Variants in LHFPL2 observed in about 807,000 individuals in gnomAD.
LHFPL2 encodes the protein LHFPL tetraspan subfamily member 2.
In LHFPL2, 7 loss-of-function variants were observed where a neutral mutation model predicts 17.5. That is an observed-to-expected ratio of 0.40 (90% confidence interval 0.23 to 0.75). The LOEUF is 0.75. LHFPL2 is among the 30% of genes least tolerant of loss of function. The pLI, the probability that LHFPL2 is intolerant of heterozygous loss-of-function variation, is 0.37. For missense variants in LHFPL2, 241 were observed against 294.8 expected (o/e 0.82, Z 1.34); for synonymous variants, 134 against 116.2 (o/e 1.15, Z -0.99).
chr5:78,580,789 C>T (rs1743100329), intron 2 of LHFPL2, among the ~76,000 whole-genome samples: 1 of 151,934 alleles, frequency 6.6e-6, no homozygotes, highest in African/African-American at 2.4e-5. Context: ...GTGATGCCTC[C>T]AGCTTTGTTC....
rs1490850006 is a variant in LHFPL2, at chr5:78,584,790, C to T, written c.-244-19919G>A. Among the ~76,000 whole-genome samples the T allele has an allele frequency of 2.6e-5, 4 of 152,258 alleles. No individual in the cohort carries two copies. The East Asian group carries it at 7.7e-4, about 29-fold the overall frequency. On this transcript the variant is annotated intron_variant, in intron 2 of 4. Transcript: ENST00000380345. Reference sequence around the variant, plus strand: ...GAGCCTATAAAGACAGGCAGGCCTCCTTGAGCTGTGGTGGGCTCCACCCTG... The same window carrying T: ...GAGCCTATAAAGACAGGCAGGCCTCTTTGAGCTGTGGTGGGCTCCACCCTG...
At chr5:78,583,618 T>C in intron 2 of LHFPL2, among the ~76,000 whole-genome samples, 1 of 151,998 alleles carries the variant, frequency 6.6e-6, no homozygotes, top group African/African-American at 2.4e-5. Flanking sequence ...GCCCCCACTC[T>C]CTTCTGGCTT....
At chr5:78,523,617 A>G (rs1325947793) in intron 3 of LHFPL2, among the ~76,000 whole-genome samples, 3 of 152,212 alleles carry the variant, frequency 2.0e-5, no homozygotes, top group African/African-American at 7.2e-5. Context: ...CGAGGACAGA[A>G]TGAGGGTGGC....
chr5:78,543,376 A>C (rs116102367), intron 3 of LHFPL2, among the ~76,000 whole-genome samples: 3,434 of 152,202 alleles, frequency 0.023, 141 homozygotes, highest in African/African-American at 0.076. Context: ...GAGACAACGA[A>C]CTTCAGGTAT....
intron 4 of LHFPL2, among the ~76,000 whole-genome samples, chr5:78,495,005 T>C (rs1242866708): frequency 6.6e-6 from 1 of 152,228 alleles, no homozygotes; most frequent in Non-Finnish European, 1.5e-5. Context: ...GGTAAATTTT[T>C]AAAATACTGC....
chr5:78,616,965 A>G (rs2112493652), intron 2 of LHFPL2, among the ~76,000 whole-genome samples: 1 of 152,364 alleles, frequency 6.6e-6, no homozygotes, highest in Non-Finnish European at 1.5e-5. Flanking sequence ...GTAGGCCTCA[A>G]AATCTGAAGT....
chr5:78,549,770 C>T (rs1756387665), intron 3 of LHFPL2, among the ~76,000 whole-genome samples: 2 of 152,242 alleles, frequency 1.3e-5, no homozygotes, highest in Admixed American at 6.5e-5. Context: ...TGCCTTAATA[C>T]ATGTCCCATA....
intron 2 of LHFPL2, among the ~76,000 whole-genome samples, chr5:78,571,989 A>G (rs889643470): frequency 2.6e-5 from 4 of 152,210 alleles, no homozygotes; most frequent in Admixed American, 1.3e-4. Flanking sequence ...CTCTCAGTAA[A>G]TATCAGTTGA....
At chr5:78,601,381 A>T (rs1374383138) in intron 2 of LHFPL2, among the ~76,000 whole-genome samples, 2 of 152,188 alleles carry the variant, frequency 1.3e-5, no homozygotes, top group Admixed American at 1.3e-4. Flanking sequence ...GAATGTACAG[A>T]CATGGCCCAC....
At chr5:78,566,634 T>G (rs1335711742) in intron 2 of LHFPL2, among the ~76,000 whole-genome samples, 3 of 152,178 alleles carry the variant, frequency 2.0e-5, no homozygotes, top group Non-Finnish European at 4.4e-5. Flanking sequence ...ATTTTTGTAT[T>G]TTTAGTAGAG....
At chr5:78,637,489 T>G (rs967434493) in intron 1 of LHFPL2, among the ~76,000 whole-genome samples, 1 of 152,164 alleles carries the variant, frequency 6.6e-6, no homozygotes, top group African/African-American at 2.4e-5. Context: ...CCCTGCACAG[T>G]GGCTCCCAAC....
chr5:78,579,220 C>T (rs1742970845), intron 2 of LHFPL2, among the ~76,000 whole-genome samples: 2 of 151,848 alleles, frequency 1.3e-5, no homozygotes, highest in African/African-American at 4.8e-5. Flanking sequence ...GGCCATTTCT[C>T]TATACTGGGA....
At chr5:78,491,529 A>G (rs1754445553) in intron 4 of LHFPL2, among the ~76,000 whole-genome samples, 3 of 152,224 alleles carry the variant, frequency 2.0e-5, no homozygotes. Flanking sequence ...AAGACCCCAT[A>G]GTCTAGTGTG....
intron 1 of LHFPL2, among the ~76,000 whole-genome samples, chr5:78,638,692 G>A (rs533613804): frequency 6.6e-6 from 1 of 152,278 alleles, no homozygotes; most frequent in South Asian, 2.1e-4. Context: ...GAATGACAAG[G>A]GGAGGCTAAC....
chr5:78,597,488 G>T (rs1433064006), intron 2 of LHFPL2, among the ~76,000 whole-genome samples: 1 of 152,182 alleles, frequency 6.6e-6, no homozygotes, highest in Non-Finnish European at 1.5e-5. Flanking sequence ...ACCAAAGTGT[G>T]TCTCAGAGTA....
intron 2 of LHFPL2, among the ~76,000 whole-genome samples, chr5:78,614,721 A>C (rs920454751): frequency 6.6e-6 from 1 of 152,106 alleles, no homozygotes; most frequent in Non-Finnish European, 1.5e-5. Context: ...AAAAATTTAG[A>C]AAAAAAAGTG....
intron 1 of LHFPL2, among the ~76,000 whole-genome samples, chr5:78,646,556 G>A (rs1052505726): frequency 6.6e-6 from 1 of 152,170 alleles, no homozygotes; most frequent in African/African-American, 2.4e-5. Flanking sequence ...GTACATCTGG[G>A]AGCCCAATAG....
intron 2 of LHFPL2, among the ~76,000 whole-genome samples, chr5:78,571,368 A>G (rs1477200457): frequency 6.6e-6 from 1 of 152,076 alleles, no homozygotes; most frequent in East Asian, 1.9e-4. Context: ...ACCCAACTTC[A>G]GTGTCATCTT....
At chr5:78,618,491 G>A (rs1332137514) in intron 2 of LHFPL2, among the ~76,000 whole-genome samples, 1 of 152,176 alleles carries the variant, frequency 6.6e-6, no homozygotes, top group Non-Finnish European at 1.5e-5. Context: ...GGGATAGCTG[G>A]AAGGCTGGGT....
Sources: allele counts gnomAD v4.1 joint callset (sites outside exome capture counted in the v4.1 genomes callset), GRCh38; gene constraint gnomAD v4.1.1; transcripts MANE v1.5; gene names NCBI Gene and HGNC (gene_info 2026-07-23, HGNC 2026-07-21).